Variants in GRIK3 observed in about 807,000 individuals in gnomAD.
GRIK3 encodes glutamate receptor ionotropic, kainate 3.
In GRIK3, 29 loss-of-function variants were observed where a neutral mutation model predicts 102.5. The observed-to-expected ratio is 0.28, with a 90% confidence interval of 0.21 to 0.39. The LOEUF (loss-of-function observed/expected upper bound fraction) is 0.39, where lower values mean the gene tolerates loss of function less well. Among genes scored for constraint, GRIK3 ranks in the 10% least tolerant of loss-of-function variants. GRIK3 has a pLI of 1.00. For missense variants in GRIK3, 908 were observed against 1,252.4 expected, an observed-to-expected ratio of 0.73 and a Z score of 4.15; for synonymous variants, 511 against 504.9, an observed-to-expected ratio of 1.01 and a Z score of -0.16.
chr1:36,827,799 G>A (rs1479154440), intron 10 of GRIK3, among the ~76,000 whole-genome samples: 2 of 152,044 alleles, frequency 1.3e-5, no homozygotes, highest in African/African-American at 2.4e-5. Flanking sequence ...GAGCAGCTGG[G>A]AAATACAACT....
intron 13 of GRIK3, among the ~76,000 whole-genome samples, chr1:36,812,685 C>T (rs576074951): frequency 2.6e-4 from 40 of 152,182 alleles, no homozygotes; most frequent in African/African-American, 8.7e-4. Flanking sequence ...GAGAGCCCCC[C>T]GAGAGCCCAG....
intron 10 of GRIK3, among the ~76,000 whole-genome samples, chr1:36,835,331 A>G (rs1239127632): frequency 6.6e-6 from 1 of 152,220 alleles, no homozygotes; most frequent in African/African-American, 2.4e-5. Flanking sequence ...TCCCATGGCC[A>G]CCAAGCCAAA....
At chr1:36,916,539 G>A (rs893231918) in intron 1 of GRIK3, among the ~76,000 whole-genome samples, 4 of 152,098 alleles carry the variant, frequency 2.6e-5, no homozygotes, top group Non-Finnish European at 2.9e-5. Flanking sequence ...TTTGTGGGCC[G>A]GGCTCAGGGT....
At chr1:36,995,324 G>A (rs532883043) in intron 1 of GRIK3, among the ~76,000 whole-genome samples, 1 of 152,246 alleles carries the variant, frequency 6.6e-6, no homozygotes, top group Admixed American at 6.5e-5. Flanking sequence ...CAGCCCTTGG[G>A]CACCTTTGTT....
intron 11 of GRIK3, among the ~76,000 whole-genome samples, chr1:36,822,193 G>A (rs1174224418): frequency 6.6e-6 from 1 of 152,238 alleles, no homozygotes; most frequent in African/African-American, 2.4e-5. Context: ...TCTGGGGCTT[G>A]GCTGCAAAGC....
intron 1 of GRIK3, among the ~76,000 whole-genome samples, chr1:36,963,950 G>C (rs1051345265): frequency 1.3e-5 from 2 of 152,238 alleles, no homozygotes; most frequent in African/African-American, 4.8e-5. Flanking sequence ...TAGCTGGTGA[G>C]GATGAAGAGA....
At chr1:36,832,705 A>G (rs1453431904) in intron 10 of GRIK3, among the ~76,000 whole-genome samples, 1 of 152,116 alleles carries the variant, frequency 6.6e-6, no homozygotes, top group Admixed American at 6.5e-5. Flanking sequence ...CTCCATCCCT[A>G]TGCCTCTGTC....
intron 10 of GRIK3, among the ~76,000 whole-genome samples, chr1:36,831,426 G>A (rs1640296741): frequency 6.6e-6 from 1 of 152,170 alleles, no homozygotes; most frequent in Non-Finnish European, 1.5e-5. Flanking sequence ...ATTCCCAGGG[G>A]ACTCTGCTGG....
Position 36,850,015 on chromosome 1 carries a change from C to T in GRIK3, c.1326+296G>A. 1 of 320,944 alleles carries T rather than the reference C, an allele frequency of 3.1e-6. No homozygotes were observed. Among genetic ancestry groups the T allele is most frequent in the Non-Finnish European group, 5.8e-6 (1 of 172,390 alleles). The allele number at this position is 320,944 out of a possible 1,614,324, so 19.9% of individuals were successfully genotyped here. ...GAGAGGCGAATCCTCACTCAGGTTG[C>T]AATGGGCTGTCAAACCCCCTTAATT... On this transcript the variant is annotated intron_variant, in intron 9 of 15. Transcript: ENST00000373091. The surrounding 1 kb of genome is among the most constrained non-coding windows in gnomAD (Gnocchi z 4.0).
chr1:36,815,962 G>A (rs1642621806), intron 13 of GRIK3, among the ~76,000 whole-genome samples: 1 of 151,900 alleles, frequency 6.6e-6, no homozygotes, highest in Non-Finnish European at 1.5e-5. Flanking sequence ...TATTGGCCAG[G>A]CTGGTCTCGA....
chr1:36,910,892 G>A (rs991915461), intron 1 of GRIK3, among the ~76,000 whole-genome samples: 6 of 152,220 alleles, frequency 3.9e-5, no homozygotes, highest in African/African-American at 1.4e-4. Context: ...CAGGAGGTGA[G>A]TGGGGGGGCA....
At chr1:37,021,377 C>T (rs1017534019) in intron 1 of GRIK3, among the ~76,000 whole-genome samples, 58 of 152,114 alleles carry the variant, frequency 3.8e-4, no homozygotes, top group African/African-American at 1.3e-3. Context: ...TCCATGGGCT[C>T]GGAGACCACC....
In GRIK3 at chr1:36,800,207, G is replaced by A. The variant is rs1642425092; in HGVS notation, c.*1644C>T. 6.6e-6 allele frequency: 1 copy of A among 152,178 alleles called. No homozygotes were observed. Among genetic ancestry groups the A allele is most frequent in the East Asian group, 1.9e-4 (1 of 5,186 alleles). The allele number at this position is 152,178 out of a possible 1,614,324, so 9.4% of individuals were successfully genotyped here. ...GCTCTTCCCTAACCGGGCTTCCCAA[G>A]CAGCATGGGACAGAGGTGGGAGGGG... On this transcript the variant is annotated 3_prime_UTR_variant, in exon 16 of 16. Coordinates refer to ENST00000373091, the MANE Select transcript of GRIK3 (RefSeq NM_000831.4).
chr1:37,008,739 G>A (rs973820798), intron 1 of GRIK3, among the ~76,000 whole-genome samples: 1 of 152,186 alleles, frequency 6.6e-6, no homozygotes, highest in Non-Finnish European at 1.5e-5. Flanking sequence ...GATGTGGTCT[G>A]AGCTCCACTG....
intron 1 of GRIK3, among the ~76,000 whole-genome samples, chr1:37,033,406 C>T (rs985268397): frequency 1.3e-5 from 2 of 152,198 alleles, no homozygotes; most frequent in Non-Finnish European, 2.9e-5. Context: ...CAGCGGGCAG[C>T]GGGGTCCTGC....
chr1:36,920,391 CT>C (rs1319913933), intron 1 of GRIK3, among the ~76,000 whole-genome samples: 1 of 152,142 alleles, frequency 6.6e-6, no homozygotes, highest in Non-Finnish European at 1.5e-5. Context: ...CTGGGTGTGC[CT>C]TACCTGCTCC....
chr1:36,966,579 G>A (rs6656317), intron 1 of GRIK3, among the ~76,000 whole-genome samples: 24,805 of 152,026 alleles, frequency 0.16, 2,119 homozygotes, highest in South Asian at 0.2. Context: ...TCTAGCTTGA[G>A]AAGCCTGGAC....
chr1:36,804,113 T>TC (rs765938022), intron 15 of GRIK3, among the ~76,000 whole-genome samples: 2 of 152,228 alleles, frequency 1.3e-5, no homozygotes, highest in Non-Finnish European at 2.9e-5. Context: ...GTATTATCTT[T>TC]CCCCCTCCTC....
chr1:36,995,742 T>C (rs1407160554), intron 1 of GRIK3, among the ~76,000 whole-genome samples: 1 of 152,112 alleles, frequency 6.6e-6, no homozygotes, highest in Admixed American at 6.5e-5. Context: ...CCTGCAGTTT[T>C]CCCAGTTCTC....
Sources: gnomAD v4.1 joint callset for allele counts (sites outside exome capture counted in the v4.1 genomes callset) on GRCh38, gnomAD v4.1.1 for gene constraint, Gnocchi (gnomAD v3.1) non-coding constraint, MANE v1.5 for transcripts, NCBI Gene and HGNC (gene_info 2026-07-23, HGNC 2026-07-21) for gene names.